RBFOX1: variants seen among roughly 807,000 people sequenced by gnomAD.
The protein encoded by RBFOX1 is RNA binding fox-1 homolog 1, also known as RNA binding protein fox-1 homolog 1.
In RBFOX1, 8 loss-of-function variants were observed where a neutral mutation model predicts 57.7. The ratio of observed to expected loss-of-function variants is 0.14; its 90% CI spans 0.08 to 0.25. The LOEUF is 0.25. RBFOX1 is among the 10% of genes least tolerant of loss of function. The pLI is 1.00. For missense variants in RBFOX1, 611 were observed against 548.5 expected (o/e 1.11, Z -1.14); for synonymous variants, 326 against 222.4 (o/e 1.47, Z -4.15).
At chr16:6,996,075 C>T (rs930826534) in intron 3 of RBFOX1, among the ~76,000 whole-genome samples, 1 of 152,154 alleles carries the variant, frequency 6.6e-6, no homozygotes. Context: ...GTCTTGAAGA[C>T]CATCAGTGAT....
At chr16:6,806,512 C>T (rs1413726579) in intron 3 of RBFOX1, among the ~76,000 whole-genome samples, 10 of 151,914 alleles carry the variant, frequency 6.6e-5, no homozygotes, top group Non-Finnish European at 1.3e-4. Flanking sequence ...TAAATAAAAG[C>T]ATTTGAATGA....
intron 3 of RBFOX1, among the ~76,000 whole-genome samples, chr16:6,847,751 G>A (rs1226302997): frequency 6.6e-6 from 1 of 152,026 alleles, no homozygotes; most frequent in Non-Finnish European, 1.5e-5. Context: ...TTTTTATTCT[G>A]TTTTAAAACA....
intron 3 of RBFOX1, among the ~76,000 whole-genome samples, chr16:6,878,351 GT>G (rs2062232458): frequency 6.6e-6 from 1 of 152,138 alleles, no homozygotes; most frequent in Non-Finnish European, 1.5e-5. Flanking sequence ...TGATGCAAGA[GT>G]TTCTAGAAAT....
chr16:6,216,884 G>T (rs12918273), intron 1 of RBFOX1, among the ~76,000 whole-genome samples: 1 of 149,500 alleles, frequency 6.7e-6, no homozygotes. Context: ...TTTTTTTTCC[G>T]CTCTCCCTTG....
chr16:7,123,242 GTC>G (rs1490320560), intron 4 of RBFOX1, among the ~76,000 whole-genome samples: 1 of 152,092 alleles, frequency 6.6e-6, no homozygotes. Flanking sequence ...TGAGGATAAA[GTC>G]TCTGCATATT....
At chr16:5,346,425 T>C (rs921565488) in intron 1 of RBFOX1, among the ~76,000 whole-genome samples, 3 of 152,160 alleles carry the variant, frequency 2.0e-5, no homozygotes, top group African/African-American at 4.8e-5. Flanking sequence ...AGAGAAGTTA[T>C]GATGTTTGAA....
intron 1 of RBFOX1, among the ~76,000 whole-genome samples, chr16:6,055,568 G>A (rs1253179265): frequency 6.9e-6 from 1 of 144,376 alleles, no homozygotes; most frequent in African/African-American, 2.6e-5. Flanking sequence ...ACTCCAGCTT[G>A]GGCAACAGAG....
At chr16:5,368,533 T>C (rs961108223) in intron 1 of RBFOX1, among the ~76,000 whole-genome samples, 2 of 152,218 alleles carry the variant, frequency 1.3e-5, no homozygotes, top group Non-Finnish European at 2.9e-5. Flanking sequence ...TTCTTTCATA[T>C]TGGGTAATCT....
At chr16:6,258,537 T>C (rs923062407) in intron 1 of RBFOX1, among the ~76,000 whole-genome samples, 1 of 152,202 alleles carries the variant, frequency 6.6e-6, no homozygotes, top group Non-Finnish European at 1.5e-5. Flanking sequence ...CTCAAAAACC[T>C]TCAGTGGCTC....
chr16:7,194,402 C>G (rs970740051), intron 4 of RBFOX1, among the ~76,000 whole-genome samples: 3 of 152,148 alleles, frequency 2.0e-5, no homozygotes, highest in Admixed American at 1.3e-4. Context: ...TAAAAAGATA[C>G]TAAGCAGCTG....
intron 3 of RBFOX1, among the ~76,000 whole-genome samples, chr16:6,877,490 C>G (rs567319099): frequency 6.6e-6 from 1 of 152,100 alleles, no homozygotes; most frequent in African/African-American, 2.4e-5. Flanking sequence ...CATAAAATGC[C>G]TACTTACTGT....
intron 3 of RBFOX1, among the ~76,000 whole-genome samples, chr16:6,874,286 G>C (rs9937198): frequency 1.3e-5 from 2 of 151,698 alleles, no homozygotes; most frequent in African/African-American, 2.4e-5. Flanking sequence ...GAGGCAGGTG[G>C]ATAATCTGAG....
At chr16:6,074,026 G>A (rs940504838) in intron 1 of RBFOX1, among the ~76,000 whole-genome samples, 1 of 152,074 alleles carries the variant, frequency 6.6e-6, no homozygotes, top group South Asian at 2.1e-4. Context: ...TCAGCTCACT[G>A]CAAGCTCCAC....
chr16:7,043,764 CA>C (rs1253342313), intron 3 of RBFOX1, among the ~76,000 whole-genome samples: 1 of 152,152 alleles, frequency 6.6e-6, no homozygotes, highest in Non-Finnish European at 1.5e-5. Flanking sequence ...CTACTTTCCC[CA>C]GTTCAAGTTA....
chr16:5,761,442 C>G (rs1300051876), intron 3 of RBFOX1, among the ~76,000 whole-genome samples: 1 of 152,192 alleles, frequency 6.6e-6, no homozygotes, highest in Non-Finnish European at 1.5e-5. Context: ...ATACCCAATA[C>G]TGGATACTTT....
intron 3 of RBFOX1, among the ~76,000 whole-genome samples, chr16:6,884,831 G>T (rs571310232): frequency 1.3e-5 from 2 of 152,284 alleles, no homozygotes; most frequent in Admixed American, 1.3e-4. Context: ...TCAGGAGGTG[G>T]AGGTGGCAGT....
intron 3 of RBFOX1, among the ~76,000 whole-genome samples, chr16:6,749,781 A>G (rs1037566765): frequency 6.6e-6 from 1 of 152,212 alleles, no homozygotes; most frequent in African/African-American, 2.4e-5. Context: ...GAGCAGCCTT[A>G]TGATTAAAAT....
chr16:6,731,047 C>G (rs1262037066), intron 3 of RBFOX1, among the ~76,000 whole-genome samples: 4 of 152,068 alleles, frequency 2.6e-5, no homozygotes, highest in African/African-American at 9.7e-5. Context: ...AGATCAGAAG[C>G]CAGATTATAA....
intron 14 of RBFOX1, among the ~76,000 whole-genome samples, chr16:7,707,525 C>T (rs1451192002): frequency 6.6e-6 from 1 of 152,068 alleles, no homozygotes; most frequent in African/African-American, 2.4e-5. Context: ...AGGAAATGGT[C>T]AAAGAATCAA....
Sources: allele counts gnomAD v4.1 joint callset (sites outside exome capture counted in the v4.1 genomes callset), GRCh38; gene constraint gnomAD v4.1.1; transcripts MANE v1.5; gene names NCBI Gene and HGNC (gene_info 2026-07-23, HGNC 2026-07-21).